Variants in KDM4C observed in about 807,000 individuals in gnomAD.
KDM4C encodes the protein lysine-specific demethylase 4C.
In KDM4C, 81 loss-of-function variants were observed where a neutral mutation model predicts 129.3. That is an observed-to-expected ratio of 0.63 (90% confidence interval 0.52 to 0.75). KDM4C has a LOEUF of 0.75. KDM4C is among the 30% of genes least tolerant of loss of function. The pLI is 0.00. For synonymous variants in KDM4C, 573 were observed against 456.1 expected (o/e 1.26, Z -3.26); for missense variants, 1,457 against 1,304.0 (o/e 1.12, Z -1.81).
chr9:6,924,056 T>G (rs1033920710), intron 8 of KDM4C, among the ~76,000 whole-genome samples: 2 of 152,210 alleles, frequency 1.3e-5, no homozygotes, highest in Admixed American at 1.3e-4. Flanking sequence ...GAGACAATGT[T>G]TACTTCTTAT....
At chr9:6,843,540 C>G (rs1279563447) in intron 4 of KDM4C, among the ~76,000 whole-genome samples, 1 of 152,174 alleles carries the variant, frequency 6.6e-6, no homozygotes, top group African/African-American at 2.4e-5. Flanking sequence ...TTCCTGTGGT[C>G]CTTTCAAGGT....
intron 5 of KDM4C, among the ~76,000 whole-genome samples, chr9:6,854,135 C>T (rs749254036): frequency 6.6e-6 from 1 of 152,048 alleles, no homozygotes; most frequent in Middle Eastern, 3.4e-3. Flanking sequence ...TGTGATTCTC[C>T]CTTCCAAGCC....
chr9:7,167,632 T>G lies in KDM4C; in HGVS notation c.2902-2166T>G, dbSNP rs535294503. Among the ~76,000 whole-genome samples the G allele has an allele frequency of 9.2e-5, 14 of 152,368 alleles. No individual in the cohort carries two copies. In the East Asian group the frequency reaches 2.7e-3, roughly 29 times the overall value. ...TGGCACCTAATTCCACTGTATTGTT[T>G]AGCTTATTCAAAATGCTAACAGTAC... On this transcript the variant is annotated intron_variant, in intron 20 of 21. Coordinates refer to ENST00000381309, the MANE Select transcript of KDM4C (RefSeq NM_015061.6).
At chr9:6,944,762 T>C (rs1826626764) in intron 8 of KDM4C, among the ~76,000 whole-genome samples, 1 of 148,556 alleles carries the variant, frequency 6.7e-6, no homozygotes, top group Admixed American at 6.9e-5. Flanking sequence ...TGCTTAGGTA[T>C]TGTTAGGGGA....
chr9:6,891,630 A>G (rs1052726012), intron 7 of KDM4C, among the ~76,000 whole-genome samples: 1 of 152,182 alleles, frequency 6.6e-6, no homozygotes, highest in Non-Finnish European at 1.5e-5. Flanking sequence ...AACAAATTGT[A>G]CACTTTAAAT....
intron 8 of KDM4C, among the ~76,000 whole-genome samples, chr9:6,949,101 C>T (rs539346629): frequency 4.0e-5 from 6 of 150,498 alleles, no homozygotes; most frequent in African/African-American, 9.8e-5. Flanking sequence ...GGCGGCTGGC[C>T]GGGTGGAGAC....
At chr9:7,095,980 T>C (rs1039314519) in intron 17 of KDM4C, among the ~76,000 whole-genome samples, 5 of 152,198 alleles carry the variant, frequency 3.3e-5, no homozygotes, top group Non-Finnish European at 4.4e-5. Context: ...AATACAGAAG[T>C]ACTTAGAAAA....
chr9:6,979,167 C>T (rs1816320411), intron 8 of KDM4C, among the ~76,000 whole-genome samples: 1 of 152,140 alleles, frequency 6.6e-6, no homozygotes, highest in African/African-American at 2.4e-5. Flanking sequence ...CCCCTTTTGT[C>T]AAAAGATTAC....
At chr9:7,068,852 A>T (rs560268840) in intron 17 of KDM4C, among the ~76,000 whole-genome samples, 1 of 151,640 alleles carries the variant, frequency 6.6e-6, no homozygotes, top group Non-Finnish European at 1.5e-5. Context: ...GTGCACCACC[A>T]CGCCCAGCTA....
intron 1 of KDM4C, among the ~76,000 whole-genome samples, chr9:6,732,198 T>C (rs576898278): frequency 4.5e-4 from 67 of 150,136 alleles, no homozygotes; most frequent in South Asian, 3.4e-3. Flanking sequence ...AACCCCATCT[T>C]TACTAAAAAT....
chr9:7,100,933 C>A (rs574145166), intron 17 of KDM4C, among the ~76,000 whole-genome samples: 1 of 152,060 alleles, frequency 6.6e-6, no homozygotes, highest in South Asian at 2.1e-4. Context: ...TTTCTCTGTT[C>A]GTTTAGTTCC....
chr9:6,835,213 T>C (rs961294984), intron 4 of KDM4C: 1 of 915,892 alleles, frequency 1.1e-6, no homozygotes, highest in Non-Finnish European at 1.8e-6. Context: ...CAACGAGCAG[T>C]TCTGCTGCCC....
chr9:7,016,230 C>G (rs1174298763), intron 15 of KDM4C, among the ~76,000 whole-genome samples: 1 of 151,946 alleles, frequency 6.6e-6, no homozygotes. Flanking sequence ...CAGGTTCACA[C>G]CATTCTCCTG....
chr9:7,046,125 C>T (rs1312382292), intron 15 of KDM4C, among the ~76,000 whole-genome samples: 3 of 152,100 alleles, frequency 2.0e-5, no homozygotes, highest in East Asian at 3.9e-4. Flanking sequence ...TGGTCTTTTT[C>T]ATGAGAGTGT....
At chr9:6,920,705 A>G (rs1485619596) in intron 8 of KDM4C, among the ~76,000 whole-genome samples, 1 of 152,186 alleles carries the variant, frequency 6.6e-6, no homozygotes, top group Non-Finnish European at 1.5e-5. Flanking sequence ...TAATTTGTAC[A>G]TTATCTTGTG....
chr9:7,005,539 T>TTAATA lies in KDM4C; in HGVS notation c.1787-6159_1787-6158insTAATA, dbSNP rs1157123830. On this transcript the variant is annotated intron_variant, in intron 12 of 21. Transcript: ENST00000381309. Reference sequence around the variant, plus strand: ...TTTATTTAACTAAAGGTAAGGGGACTAGGCTGCCTTCAGCCAGATTTATTA... The same window carrying TTAATA: ...TTTATTTAACTAAAGGTAAGGGGACTTAATAAGGCTGCCTTCAGCCAGATTTATTA... Among the ~76,000 whole-genome samples the TTAATA allele has an allele frequency of 6.2e-3, 949 of 152,084 alleles. 10 individuals carry two copies. Among genetic ancestry groups the TTAATA allele is most frequent in the African/African-American group, 0.022 (912 of 41,446 alleles).
At chr9:6,823,720 A>G (rs1342157500) in intron 4 of KDM4C, among the ~76,000 whole-genome samples, 11 of 152,180 alleles carry the variant, frequency 7.2e-5, no homozygotes, top group Non-Finnish European at 4.4e-5. Flanking sequence ...TGCAAAAGGA[A>G]TTTCTCTAGT....
chr9:6,934,803 A>T (rs1824453055), intron 8 of KDM4C, among the ~76,000 whole-genome samples: 1 of 152,046 alleles, frequency 6.6e-6, no homozygotes, highest in Non-Finnish European at 1.5e-5. Flanking sequence ...ATATGAACTG[A>T]TCCTTCTTTT....
In KDM4C at chr9:6,926,293, G is replaced by A. The variant is rs377426959; in HGVS notation, c.921+33061G>A. 1.6e-4 allele frequency among the ~76,000 whole-genome samples: 23 copies of A among 140,244 alleles called. No individual in the cohort carries two copies. The East Asian group carries it at 2.9e-3, about 17-fold the overall frequency. The allele number at this position is 140,244 out of a possible 152,430, so 92.0% of individuals were successfully genotyped here. A position where few individuals can be genotyped will look rare whatever the true frequency, so the allele number is the denominator to read the frequency against. On this transcript the variant is annotated intron_variant, in intron 8 of 21. Transcript: ENST00000381309. ...AGAATTAACTGAGGTAATATAAGGC[G>A]TTTGTGAATAGAAACAAGTGGAGAA... is the stretch of plus-strand genomic sequence containing the variant.
Sources: allele counts gnomAD v4.1 joint callset (sites outside exome capture counted in the v4.1 genomes callset), GRCh38; gene constraint gnomAD v4.1.1; transcripts MANE v1.5; gene names NCBI Gene and HGNC (gene_info 2026-07-23, HGNC 2026-07-21).